The following PPARGC1A variants were observed in gnomAD, a reference collection of about 807,000 sequenced individuals.
PPARGC1A encodes peroxisome proliferator-activated receptor gamma coactivator 1-alpha.
A neutral mutation model predicts 88.7 loss-of-function variants in PPARGC1A; 25 were observed. The ratio of observed to expected loss-of-function variants is 0.28; its 90% confidence interval spans 0.21 to 0.39. The LOEUF is 0.39. Among genes scored for constraint, PPARGC1A ranks in the 10% least tolerant of loss-of-function variants. The pLI is 1.00. For missense variants in PPARGC1A, 880 were observed against 968.7 expected (o/e 0.91, Z 1.22); for synonymous variants, 363 against 355.6 (o/e 1.02, Z -0.24).
At chr4:23,896,858 A>G (rs1007588249) in intron 1 of PPARGC1A, among the ~76,000 whole-genome samples, 4 of 152,180 alleles carry the variant, frequency 2.6e-5, no homozygotes, top group African/African-American at 9.7e-5. Flanking sequence ...TTAGAGAAAG[A>G]GTGTTTGGAG....
chr4:24,173,077 G>A, the PPARGC1A span, among the ~76,000 whole-genome samples: 1 of 152,158 alleles, frequency 6.6e-6, no homozygotes, highest in Non-Finnish European at 1.5e-5. Context: ...TGAACAGGTT[G>A]TGATGCTTTC....
the PPARGC1A span, among the ~76,000 whole-genome samples, chr4:24,270,656 A>G: frequency 0.94 from 143,087 of 152,178 alleles, 67,369 homozygotes; most frequent in East Asian, 1. Flanking sequence ...TGTGTAACTT[A>G]TGAGGATTAC....
At chr4:23,862,698 G>C (rs1298220786) in intron 2 of PPARGC1A, among the ~76,000 whole-genome samples, 1 of 152,068 alleles carries the variant, frequency 6.6e-6, no homozygotes, top group Admixed American at 6.5e-5. Context: ...TCCAGTGCTG[G>C]GCAAGCCCAA....
upstream of PPARGC1A, among the ~76,000 whole-genome samples, chr4:23,900,544 ATGCC>A (rs1339074556): frequency 6.6e-6 from 1 of 152,222 alleles, no homozygotes; most frequent in East Asian, 1.9e-4. Flanking sequence ...CTCCATAATG[ATGCC>A]TGCCATTCAT....
chr4:24,001,525 C>T, the PPARGC1A span, among the ~76,000 whole-genome samples: 2 of 152,152 alleles, frequency 1.3e-5, no homozygotes, highest in Non-Finnish European at 2.9e-5. Flanking sequence ...TAGCAACTGA[C>T]ATCCCAGCAG....
chr4:24,057,962 A>G, the PPARGC1A span, among the ~76,000 whole-genome samples: 1 of 152,230 alleles, frequency 6.6e-6, no homozygotes, highest in Non-Finnish European at 1.5e-5. Context: ...ATGCTCATGC[A>G]TGGGAGAGAG....
At chr4:24,145,920 G>A in the PPARGC1A span, among the ~76,000 whole-genome samples, 4 of 152,154 alleles carry the variant, frequency 2.6e-5, no homozygotes, top group Non-Finnish European at 5.9e-5. Context: ...CTTTCTCTGA[G>A]TCTTACATTT....
the PPARGC1A span, among the ~76,000 whole-genome samples, chr4:24,231,523 A>C: frequency 1.3e-5 from 2 of 152,202 alleles, no homozygotes; most frequent in Non-Finnish European, 2.9e-5. Context: ...CAGAAATCTT[A>C]GGAGATGGAG....
the PPARGC1A span, among the ~76,000 whole-genome samples, chr4:24,290,047 A>G: frequency 6.6e-6 from 1 of 152,096 alleles, no homozygotes; most frequent in African/African-American, 2.4e-5. Context: ...ATCAGATCTC[A>G]TAAGACTTAT....
At chr4:24,437,667 C>A in the PPARGC1A span, among the ~76,000 whole-genome samples, 2 of 149,686 alleles carry the variant, frequency 1.3e-5, no homozygotes, top group Non-Finnish European at 3.0e-5. Flanking sequence ...GGGTTTTTTT[C>A]TTTCTTTTTT....
intron 7 of PPARGC1A, among the ~76,000 whole-genome samples, chr4:23,817,399 G>A (rs1722178962): frequency 6.6e-6 from 1 of 152,110 alleles, no homozygotes; most frequent in Non-Finnish European, 1.5e-5. Flanking sequence ...ACAGACATTC[G>A]TTGAACACCT....
At chr4:24,072,362 T>C in the PPARGC1A span, among the ~76,000 whole-genome samples, 1 of 151,790 alleles carries the variant, frequency 6.6e-6, no homozygotes, top group Non-Finnish European at 1.5e-5. Context: ...GTCATCCATA[T>C]TGATTTTACA....
At chr4:24,395,524 G>T in the PPARGC1A span, among the ~76,000 whole-genome samples, 3,624 of 152,262 alleles carry the variant, frequency 0.024, 54 homozygotes, top group Middle Eastern at 0.041. Flanking sequence ...CTGTTCCAAG[G>T]CTCCTCCTGG....
chr4:23,979,933 A>G, the PPARGC1A span, among the ~76,000 whole-genome samples: 4 of 152,034 alleles, frequency 2.6e-5, no homozygotes, highest in Non-Finnish European at 4.4e-5. Flanking sequence ...GAACAGCCTT[A>G]TTGGGGCTGC....
At chr4:24,343,595 T>C in the PPARGC1A span, among the ~76,000 whole-genome samples, 1 of 152,324 alleles carries the variant, frequency 6.6e-6, no homozygotes, top group Admixed American at 6.5e-5. Context: ...GTACAGTCTA[T>C]GATATTTTGT....
the PPARGC1A span, among the ~76,000 whole-genome samples, chr4:24,094,105 C>T: frequency 2.6e-5 from 4 of 152,142 alleles, no homozygotes; most frequent in African/African-American, 9.7e-5. Context: ...ATTGCGGTGA[C>T]TGCAGATGCG....
At chr4:24,099,213 A>AATGAAAAACAAAAGG in the PPARGC1A span, among the ~76,000 whole-genome samples, 1 of 151,326 alleles carries the variant, frequency 6.6e-6, no homozygotes, top group African/African-American at 2.4e-5. Context: ...GACTAGATTG[A>AATGAAAAACAAAAGG]ATGAAAAACA....
At chr4:24,047,037 A>C in the PPARGC1A span, among the ~76,000 whole-genome samples, 12 of 152,290 alleles carry the variant, frequency 7.9e-5, no homozygotes, top group South Asian at 2.5e-3. Context: ...TCTGACTGAC[A>C]AACCATTGAA....
chr4:24,125,081 C>T, the PPARGC1A span, among the ~76,000 whole-genome samples: 1 of 151,998 alleles, frequency 6.6e-6, no homozygotes. Flanking sequence ...GGTTAGAGAG[C>T]CTGCAGTTGA....
Sources: allele counts gnomAD v4.1 joint callset (sites outside exome capture counted in the v4.1 genomes callset), GRCh38; gene constraint gnomAD v4.1.1; transcripts MANE v1.5; gene names NCBI Gene and HGNC (gene_info 2026-07-23, HGNC 2026-07-21).